Variants in NAA10 observed in about 807,000 individuals in gnomAD.
NAA10 encodes the protein N-alpha-acetyltransferase 10.
NAA10 carries 6 observed loss-of-function variants against 19.2 expected under a neutral mutation model. The ratio of observed to expected loss-of-function variants is 0.31; its 90% CI spans 0.17 to 0.62. The LOEUF is 0.62. Ranked by LOEUF, NAA10 falls within the 20% of genes least tolerant of loss-of-function variation. The probability of loss-of-function intolerance (pLI) is 0.83; values close to 1 mark genes in which losing one functional copy is unlikely to be tolerated. For missense variants in NAA10, 101 were observed against 198.4 expected, an observed-to-expected ratio of 0.51 and a Z score of 2.95; for synonymous variants, 97 against 79.9, an observed-to-expected ratio of 1.21 and a Z score of -1.14.
intron 1 of NAA10, 128 bp downstream of exon 1, chrX:153,934,756 G>C: frequency 3.7e-6 from 3 of 803,082 alleles, no homozygotes; most frequent in Non-Finnish European, 5.0e-6. Context: ...CAGCCCCATA[G>C]GTCCAGCGGC....
intron 3 of NAA10, among the ~76,000 whole-genome samples, chrX:153,933,246 G>A (rs1315917049): frequency 8.9e-6 from 1 of 112,202 alleles, no homozygotes; most frequent in Admixed American, 9.5e-5. Flanking sequence ...AGGAGAGGGA[G>A]GGATGAATGC....
chrX:153,932,578 C>A lies in NAA10; in HGVS notation c.186G>T (p.Glu62Asp), dbSNP rs1557107592. 4 of 1,205,614 alleles carry A rather than the reference C, an allele frequency of 3.3e-6. No individual in the cohort carries two copies. Among genetic ancestry groups the A allele is most frequent in the Non-Finnish European group, 4.5e-6 (4 of 892,077 alleles). ...GTCCATGGGGCACATCATCTGGGTC[C>A]TCTTCCCTGGAGAGGGAGAAAGGAG... is the stretch of plus-strand genomic sequence containing the variant. ...IVGYVLAKME[E>D]DPDDVPHGHI... Residue 62 changes from glutamate (E) to aspartate (D), a missense_variant, in exon 4 of 8, where the codon GAG becomes GAT. Around this residue, in one of 2 missense-constraint regions of NAA10, gnomAD observed 43 missense variants for 122.6 expected, o/e 0.35. Transcript: ENST00000464845.
At position 153,931,211 on chromosome X, in the gene NAA10, G is replaced by A. The variant is rs924657468; in HGVS notation, c.387-364C>T. On this transcript the variant is annotated intron_variant, in intron 6 of 7. Coordinates refer to ENST00000464845, the MANE Select transcript of NAA10 (RefSeq NM_003491.4). ...CATCAGAACCCAGGAAAGACGGTGA[G>A]CCCTGCCTGAGCAGCTCTGGGGCCG... The A allele has an allele frequency of 8.6e-6, 8 of 932,244 alleles. No homozygotes were observed. The African/African-American group carries it at 1.6e-4, about 19-fold the overall frequency. The allele number at this position is 932,244 out of a possible 1,213,427, so 76.8% of individuals were successfully genotyped here.
In NAA10 at chrX:153,930,729, C is replaced by T. The variant is rs150824159; in HGVS notation, c.471+34G>A. 7,487 of 1,201,997 alleles carry T rather than the reference C, an allele frequency of 6.2e-3. 304 individuals carry two copies. In the African/African-American group the frequency reaches 0.12, roughly 19 times the overall value. The stretch of plus-strand genomic sequence containing the variant: ...TCTTGGGGCTCCTGAGTGCCGCCCC[C>T]GCTCGCCTTGCTTGGCTTCATGCAG... On this transcript the variant is annotated intron_variant, in intron 7 of 7. Transcript: ENST00000464845.
At chrX:153,934,614 C>T in intron 1 of NAA10, 139 bp from the exon 2 acceptor site, 1 of 610,137 alleles carries the variant, frequency 1.6e-6, no homozygotes, top group Non-Finnish European at 2.7e-6. Context: ...CTTTGCACAA[C>T]GCCCGGAGCA....
chrX:153,934,153 C>T, intron 2 of NAA10, 152 bp from the exon 3 acceptor site: 1 of 586,269 alleles, frequency 1.7e-6, no homozygotes, highest in East Asian at 3.4e-5. Flanking sequence ...TGTGCCCTGC[C>T]CATACCCAGA....
At chrX:153,931,181 A>C in intron 6 of NAA10, 1 of 952,802 alleles carries the variant, frequency 1.0e-6, no homozygotes, top group Non-Finnish European at 1.3e-6. Flanking sequence ...CTGCCTCACA[A>C]CAGCCATCAG....
intron 6 of NAA10, chrX:153,931,070 G>T: frequency 1.8e-6 from 2 of 1,116,855 alleles, no homozygotes; most frequent in Non-Finnish European, 2.3e-6. Context: ...TGTGTCCTTA[G>T]CCTGGATACT....
At chrX:153,934,038 C>T (rs781959751) in intron 2 of NAA10, 37 bp from the exon 3 acceptor site, 3 of 1,161,799 alleles carry the variant, frequency 2.6e-6, no homozygotes, top group South Asian at 1.8e-5. Context: ...AACTTCTTGT[C>T]GGAGCTAGAA....
chrX:153,932,280 C>G (rs782108859), intron 5 of NAA10, 36 bp downstream of exon 5: 1 of 1,157,308 alleles, frequency 8.6e-7, no homozygotes, highest in Non-Finnish European at 1.2e-6. Flanking sequence ...CAGTATCTCT[C>G]CCCCTCAATC....
rs2065154601 is a variant in NAA10, at chrX:153,929,643, G to A, written c.*344C>T. ...GGCCACCAAGAGTGGGAGCCCTGCTGTTGAGCTTTGAGCCTGAGCAGCCCC... is the reference window on the plus strand; with the variant it reads ...GGCCACCAAGAGTGGGAGCCCTGCTATTGAGCTTTGAGCCTGAGCAGCCCC... On this transcript the variant is annotated 3_prime_UTR_variant, in exon 8 of 8. Coordinates refer to ENST00000464845, the MANE Select transcript of NAA10 (RefSeq NM_003491.4). The A allele has an allele frequency of 7.2e-6, 2 of 278,186 alleles. No homozygotes were observed. Among genetic ancestry groups the A allele is most frequent in the Non-Finnish European group, 1.3e-5 (2 of 157,544 alleles). 22.9% of individuals were successfully genotyped at this position (278,186 alleles called of 1,213,427 possible). A position where few individuals can be genotyped will look rare whatever the true frequency, so the allele number is the denominator to read the frequency against.
At chrX:153,934,825 G>A in intron 1 of NAA10, 59 bp downstream of exon 1, 5 of 963,329 alleles carry the variant, frequency 5.2e-6, no homozygotes, top group Admixed American at 8.8e-5. Flanking sequence ...GAGCATGCGC[G>A]GCAGCCACCC....
intron 1 of NAA10, 116 bp downstream of exon 1, chrX:153,934,768 G>T: frequency 3.5e-6 from 3 of 846,417 alleles, no homozygotes; most frequent in South Asian, 2.9e-5. Context: ...TCCAGCGGCC[G>T]CAGGCACACT....
At chrX:153,931,936 G>T (rs1382605131) in intron 6 of NAA10, 135 bp downstream of exon 6, 1 of 1,192,589 alleles carries the variant, frequency 8.4e-7, no homozygotes, top group Non-Finnish European at 1.1e-6. Flanking sequence ...TATCCTGGCA[G>T]TGCTGGGGTC....
intron 7 of NAA10, 87 bp from the exon 8 acceptor site, chrX:153,930,310 G>A: frequency 1.2e-6 from 1 of 867,955 alleles, no homozygotes; most frequent in Non-Finnish European, 1.7e-6. Flanking sequence ...GTCGCTGGCT[G>A]AGGAGAGGGG....
chrX:153,934,286 C>T lies in NAA10; in HGVS notation c.120+91G>A, dbSNP rs183653653. The T allele has an allele frequency of 8.5e-5, 68 of 801,369 alleles. No homozygotes were observed. The East Asian group carries it at 2.2e-3, about 26-fold the overall frequency. 66.0% of individuals were successfully genotyped at this position (801,369 alleles called of 1,213,427 possible). ...GCCACCGACCATACAGCCCCCTGGG[C>T]TCTGACAGACTTGTCCACTCCCTCC... On this transcript the variant is annotated intron_variant, in intron 2 of 7. Coordinates refer to ENST00000464845, the MANE Select transcript of NAA10 (RefSeq NM_003491.4).
Position 153,929,538 on chromosome X carries a change from A to C in NAA10, c.*449T>G. The C allele has an allele frequency of 6.6e-6, 1 of 151,291 alleles. No homozygotes were observed. Among genetic ancestry groups the C allele is most frequent in the Non-Finnish European group, 1.3e-5 (1 of 77,066 alleles). The allele number at this position is 151,291 out of a possible 1,213,427, so 12.5% of individuals were successfully genotyped here. A position where few individuals can be genotyped will look rare whatever the true frequency, so the allele number is the denominator to read the frequency against. On this transcript the variant is annotated 3_prime_UTR_variant, in exon 8 of 8. Coordinates refer to ENST00000464845, the MANE Select transcript of NAA10 (RefSeq NM_003491.4). ...ATGTCCACATCTGGAGCCCACGGGT[A>C]TGCTGGGGAGCTGCTGTAGCCCGAA... is the stretch of plus-strand genomic sequence containing the variant.
In NAA10 at chrX:153,933,930, C is replaced by G. The variant is rs782169575; in HGVS notation, c.179+13G>C. On this transcript the variant is annotated intron_variant, in intron 3 of 7. Coordinates refer to ENST00000464845, the MANE Select transcript of NAA10 (RefSeq NM_003491.4). ...GACACGTGTAGCTTCTGTCTTCCTC[C>G]TTGGTGACTCACATTTTGGCCAGGA... The G allele has an allele frequency of 1.7e-6, 2 of 1,206,647 alleles. No homozygotes were observed. Among genetic ancestry groups the G allele is most frequent in the African/African-American group, 3.5e-5 (2 of 57,729 alleles).
chrX:153,933,879 T>C, intron 3 of NAA10, 64 bp downstream of exon 3: 1 of 988,844 alleles, frequency 1.0e-6, no homozygotes, highest in Non-Finnish European at 1.4e-6. Context: ...ATTCATTTTT[T>C]TTAAAGCCCA....
Sources: gnomAD v4.1 joint callset for allele counts (sites outside exome capture counted in the v4.1 genomes callset) on GRCh38, gnomAD v4.1.1 for gene constraint, gnomAD v4.1.1 regional missense constraint, MANE v1.5 for transcripts, NCBI Gene and HGNC (gene_info 2026-07-23, HGNC 2026-07-21) for gene names.